RSBN1: variants seen among roughly 807,000 people sequenced by gnomAD.
The protein encoded by RSBN1 is round spermatid basic protein 1.
RSBN1 carries 23 observed loss-of-function variants against 74.8 expected under a neutral mutation model. That is an observed-to-expected ratio of 0.31 (90% confidence interval 0.22 to 0.44). RSBN1 has a LOEUF of 0.44. Among genes scored for constraint, RSBN1 ranks in the 20% least tolerant of loss-of-function variants. The pLI, the probability that RSBN1 is intolerant of heterozygous loss-of-function variation, is 1.00. For missense variants in RSBN1, 808 were observed against 1,020.9 expected (o/e 0.79, Z 2.84); for synonymous variants, 407 against 379.6 (o/e 1.07, Z -0.84).
chr1:113,786,874 T>C (rs1480939631), intron 2 of RSBN1, among the ~76,000 whole-genome samples: 1 of 152,196 alleles, frequency 6.6e-6, no homozygotes, highest in Non-Finnish European at 1.5e-5. Context: ...AAATTTTCTA[T>C]CTTGCTGAAC....
At chr1:113,811,105 G>C (rs185162918) in intron 1 of RSBN1, among the ~76,000 whole-genome samples, 1 of 152,264 alleles carries the variant, frequency 6.6e-6, no homozygotes, top group East Asian at 1.9e-4. Context: ...TAGTATCAAA[G>C]GGTAGAGAAA....
At chr1:113,808,397 G>A (rs2101829743) in intron 1 of RSBN1, among the ~76,000 whole-genome samples, 1 of 152,226 alleles carries the variant, frequency 6.6e-6, no homozygotes, top group Admixed American at 6.5e-5. Flanking sequence ...TACAGACAAT[G>A]TTTTTTTGAA....
At chr1:113,767,046 G>T in intron 6 of RSBN1, 53 bp downstream of exon 6, 1 of 985,426 alleles carries the variant, frequency 1.0e-6, no homozygotes, top group Non-Finnish European at 1.5e-6. Context: ...AATAAAATGG[G>T]TATAGATATT....
intron 2 of RSBN1, among the ~76,000 whole-genome samples, chr1:113,786,790 G>A (rs1422150724): frequency 6.6e-6 from 1 of 152,138 alleles, no homozygotes; most frequent in East Asian, 1.9e-4. Flanking sequence ...GGGCAACATG[G>A]TGAAACCCTA....
chr1:113,802,523 T>C (rs1489748540), intron 1 of RSBN1, among the ~76,000 whole-genome samples: 2 of 152,148 alleles, frequency 1.3e-5, no homozygotes, highest in African/African-American at 4.8e-5. Flanking sequence ...AAACTACTCA[T>C]TTTGAAAGCC....
At position 113,802,344 on chromosome 1, in the gene RSBN1, C is replaced by T. The variant is rs562992597; in HGVS notation, c.704-4308G>A. ...AAAAAAAAAGGTAGTATCTTCAGTTCGTAAAAATCACAGTAGATGAACAAA... is the reference window on the plus strand; with the variant it reads ...AAAAAAAAAGGTAGTATCTTCAGTTTGTAAAAATCACAGTAGATGAACAAA... On this transcript the variant is annotated intron_variant, in intron 1 of 6. Transcript: ENST00000261441. 8.0e-5 allele frequency among the ~76,000 whole-genome samples: 12 copies of T among 150,304 alleles called. 1 individual carries two copies. In the South Asian group the frequency reaches 2.3e-3, roughly 29 times the overall value.
At chr1:113,775,188 C>A (rs1272874772) in intron 4 of RSBN1, among the ~76,000 whole-genome samples, 1 of 151,958 alleles carries the variant, frequency 6.6e-6, no homozygotes, top group African/African-American at 2.4e-5. Flanking sequence ...CCATGCCCAG[C>A]TAATTTTTGT....
chr1:113,811,604 G>T, intron 1 of RSBN1, 106 bp downstream of exon 1: 1 of 1,449,040 alleles, frequency 6.9e-7, no homozygotes, highest in East Asian at 2.5e-5. Context: ...GAGAAGTACA[G>T]CAGCAGAAGG....
At position 113,765,812 on chromosome 1, in the gene RSBN1, T is replaced by C. The variant is rs1659767682; in HGVS notation, c.*168A>G. 3 of 613,346 alleles carry C rather than the reference T, an allele frequency of 4.9e-6. No individual in the cohort carries two copies. The highest frequency in any genetic ancestry group is 8.5e-6 in the Non-Finnish European group (3 of 351,680). The allele number at this position is 613,346 out of a possible 1,614,324, so 38.0% of individuals were successfully genotyped here. ...CGGGATAAGATACAACTCTTAACTT[T>C]GCATAATCTGTGTAAAAAAGATATG... On this transcript the variant is annotated 3_prime_UTR_variant, in exon 7 of 7. Coordinates refer to ENST00000261441, the MANE Select transcript of RSBN1 (RefSeq NM_018364.5).
At chr1:113,806,735 T>G (rs2101827903) in intron 1 of RSBN1, among the ~76,000 whole-genome samples, 1 of 150,170 alleles carries the variant, frequency 6.7e-6, no homozygotes, top group East Asian at 2.0e-4. Context: ...GCACAGTGGC[T>G]CCTGTCTGTA....
intron 1 of RSBN1, among the ~76,000 whole-genome samples, chr1:113,806,513 T>C (rs1393480703): frequency 1.3e-5 from 2 of 151,822 alleles, no homozygotes; most frequent in African/African-American, 2.4e-5. Flanking sequence ...TTAACTCAAA[T>C]GGATGACAGA....
At chr1:113,800,067 T>C (rs913595225) in intron 1 of RSBN1, among the ~76,000 whole-genome samples, 5 of 152,304 alleles carry the variant, frequency 3.3e-5, no homozygotes, top group African/African-American at 1.2e-4. Context: ...TGTAAATATA[T>C]GACAGTTCCA....
intron 1 of RSBN1, among the ~76,000 whole-genome samples, chr1:113,810,384 AACACACAC>A (rs113663525): frequency 6.8e-5 from 10 of 146,632 alleles, no homozygotes; most frequent in African/African-American, 1.3e-4. Flanking sequence ...GTACAGTTAA[AACACACAC>A]ACACACACAC....
intron 2 of RSBN1, among the ~76,000 whole-genome samples, chr1:113,782,636 T>C (rs1660161118): frequency 6.6e-6 from 1 of 152,216 alleles, no homozygotes; most frequent in Admixed American, 6.5e-5. Flanking sequence ...ACATACTGAT[T>C]AAATTTCCTT....
chr1:113,766,271 A>C lies in RSBN1; in HGVS notation c.2118T>G (p.Pro706=). The C allele has an allele frequency of 6.2e-7, 1 of 1,614,132 alleles. No individual in the cohort carries two copies. The highest frequency in any genetic ancestry group is 1.1e-5 in the South Asian group (1 of 91,086). Residue 706 remains proline, a synonymous_variant, in exon 7 of 7, where the codon CCT becomes CCG. Coordinates refer to ENST00000261441, the MANE Select transcript of RSBN1 (RefSeq NM_018364.5). ...CTGTGTTTTGAGTGGCTTCCACAAC[A>C]GGGTGGTACTGTTTAAGCCTTATAT... ...AWHIRLKQYH[P]VVEATQNTES...
At chr1:113,792,696 C>T (rs998454335) in intron 2 of RSBN1, among the ~76,000 whole-genome samples, 4 of 152,050 alleles carry the variant, frequency 2.6e-5, no homozygotes, top group Non-Finnish European at 4.4e-5. Flanking sequence ...GAGTAAGAAA[C>T]AGTAGAAAGA....
chr1:113,783,736 G>A (rs1423628427), intron 2 of RSBN1, among the ~76,000 whole-genome samples: 3 of 152,122 alleles, frequency 2.0e-5, no homozygotes, highest in South Asian at 2.1e-4. Flanking sequence ...CTGCAACACA[G>A]AGTGGTAAAG....
chr1:113,782,025 T>C (rs1041046003), intron 2 of RSBN1, among the ~76,000 whole-genome samples: 1 of 152,180 alleles, frequency 6.6e-6, no homozygotes, highest in Non-Finnish European at 1.5e-5. Flanking sequence ...AGCATCAAAC[T>C]AGAAAATCCT....
At chr1:113,811,581 CCCAGTGAGCTTAGAGAAGTACA>C in intron 1 of RSBN1, 107 bp downstream of exon 1, 1 of 1,377,788 alleles carries the variant, frequency 7.3e-7, no homozygotes, top group South Asian at 1.7e-5. Flanking sequence ...CAGGGTCCAC[CCCAGTGAGCTTAGAGAAGTACA>C]GCAGCAGAAG....
Sources: allele counts gnomAD v4.1 joint callset (sites outside exome capture counted in the v4.1 genomes callset), GRCh38; gene constraint gnomAD v4.1.1; transcripts MANE v1.5; gene names NCBI Gene and HGNC (gene_info 2026-07-23, HGNC 2026-07-21).